CDIN1: variants seen among roughly 807,000 people sequenced by gnomAD.
CDIN1 encodes CDAN1 interacting nuclease 1.
CDIN1 carries 33 observed loss-of-function variants against 45.3 expected under a neutral mutation model. The ratio of observed to expected loss-of-function variants is 0.73; its 90% CI spans 0.55 to 0.97. CDIN1 has a LOEUF of 0.97. CDIN1 is among the 50% of genes least tolerant of loss of function. CDIN1 has a pLI of 0.00. For synonymous variants in CDIN1, 118 were observed against 124.4 expected, an observed-to-expected ratio of 0.95 and a Z score of 0.34; for missense variants, 303 against 339.4, an observed-to-expected ratio of 0.89 and a Z score of 0.84.
chr15:36,743,041 T>A (rs2044294101), intron 10 of CDIN1, among the ~76,000 whole-genome samples: 1 of 152,140 alleles, frequency 6.6e-6, no homozygotes, highest in Admixed American at 6.5e-5. Context: ...AGTGGAGAAG[T>A]TTGAAAATAG....
At chr15:36,636,987 G>C (rs1028595037) in intron 1 of CDIN1, among the ~76,000 whole-genome samples, 7 of 152,196 alleles carry the variant, frequency 4.6e-5, no homozygotes, top group Non-Finnish European at 1.0e-4. Flanking sequence ...TAAGACAATA[G>C]CATTTAGTGA....
Position 36,718,129 on chromosome 15 carries a change from C to CT in CDIN1, c.716+8174dup, listed in dbSNP as rs532550361. Among the ~76,000 whole-genome samples the CT allele has an allele frequency of 2.5e-4, 38 of 152,014 alleles. 1 individual carries two copies. The South Asian group carries it at 7.5e-3, about 30-fold the overall frequency. On this transcript the variant is annotated intron_variant, in intron 10 of 10. Transcript: ENST00000566621. ...TCTAGAACCCTTTTTTGAGAAGACT[C>CT]TTTTTTCTCCACCTAAATTACCTTT...
intron 10 of CDIN1, among the ~76,000 whole-genome samples, chr15:36,788,967 A>G (rs2054577848): frequency 6.6e-6 from 1 of 152,220 alleles, no homozygotes; most frequent in Non-Finnish European, 1.5e-5. Flanking sequence ...CATTTTCTAG[A>G]AAGCATAAAG....
chr15:36,757,721 G>C (rs1051523618), intron 10 of CDIN1, among the ~76,000 whole-genome samples: 1 of 151,974 alleles, frequency 6.6e-6, no homozygotes, highest in Non-Finnish European at 1.5e-5. Flanking sequence ...ATCTTGGCTC[G>C]GTGACCCAGG....
intron 3 of CDIN1, among the ~76,000 whole-genome samples, chr15:36,652,666 G>T (rs1042217192): frequency 2.6e-5 from 4 of 151,996 alleles, no homozygotes; most frequent in African/African-American, 9.7e-5. Flanking sequence ...TACATTCAAG[G>T]GTGGCCCCAA....
chr15:36,614,032 G>T (rs2038772013), intron 1 of CDIN1: 1 of 1,227,674 alleles, frequency 8.1e-7, no homozygotes, highest in Admixed American at 1.7e-5. Flanking sequence ...ATATGAGGAA[G>T]AGATCAAGAT....
chr15:36,709,938 C>A lies in CDIN1; in HGVS notation c.693C>A (p.Asp231Glu). The change falls in exon 10 of 11, where the codon GAC becomes GAA. Residue 231 changes from aspartate to glutamate, a missense_variant. By Grantham distance (45) the Asp-to-Glu change is conservative. Transcript: ENST00000566621. ...DECSHHAYLH[D>E]QFWSYWNRFG... is the part of the protein sequence containing the mutation. The stretch of plus-strand genomic sequence containing the variant: ...GTAGCCACCACGCCTACCTGCATGA[C>A]CAGTTCTGGAGCTACTGGAATAGGT... 2.5e-6 allele frequency: 4 copies of A among 1,612,712 alleles called. No individual in the cohort carries two copies. Among genetic ancestry groups the A allele is most frequent in the Non-Finnish European group, 3.4e-6 (4 of 1,178,982 alleles).
chr15:36,724,583 A>T (rs534977541), intron 10 of CDIN1, among the ~76,000 whole-genome samples: 71 of 152,286 alleles, frequency 4.7e-4, no homozygotes, highest in African/African-American at 1.5e-3. Context: ...GTGATGGGTC[A>T]GAGATAGTTT....
At chr15:36,665,610 T>G (rs1173186972) in intron 5 of CDIN1, among the ~76,000 whole-genome samples, 1 of 152,078 alleles carries the variant, frequency 6.6e-6, no homozygotes, top group Non-Finnish European at 1.5e-5. Flanking sequence ...GATTGCAGGG[T>G]TTATCCACAA....
chr15:36,807,512 A>G (rs998595587), intron 10 of CDIN1, among the ~76,000 whole-genome samples: 2 of 152,148 alleles, frequency 1.3e-5, no homozygotes, highest in African/African-American at 4.8e-5. Flanking sequence ...AACCCAGCCT[A>G]AAGGTCTCAA....
chr15:36,794,626 G>C (rs932134365), intron 10 of CDIN1, among the ~76,000 whole-genome samples: 3 of 149,882 alleles, frequency 2.0e-5, no homozygotes, highest in Non-Finnish European at 3.0e-5. Flanking sequence ...CATGTGACAG[G>C]ATTTTCCTCT....
intron 1 of CDIN1, among the ~76,000 whole-genome samples, chr15:36,589,703 A>G (rs1365467625): frequency 1.3e-5 from 2 of 152,106 alleles, no homozygotes; most frequent in East Asian, 3.9e-4. Flanking sequence ...ACGGGGTTTC[A>G]CCGTGTTAGC....
chr15:36,655,311 G>C (rs1279031999), intron 4 of CDIN1, among the ~76,000 whole-genome samples: 2 of 136,694 alleles, frequency 1.5e-5, no homozygotes, highest in Admixed American at 1.6e-4. Flanking sequence ...AGAGCAGAGT[G>C]CTTTTTTTTT....
At chr15:36,787,123 T>C (rs2141072342) in intron 10 of CDIN1, among the ~76,000 whole-genome samples, 1 of 152,320 alleles carries the variant, frequency 6.6e-6, no homozygotes, top group African/African-American at 2.4e-5. Flanking sequence ...TTATTTTTGT[T>C]TTTTATTTCC....
chr15:36,692,955 G>C (rs1353025589), intron 7 of CDIN1, among the ~76,000 whole-genome samples: 2 of 152,142 alleles, frequency 1.3e-5, no homozygotes, highest in African/African-American at 4.8e-5. Context: ...TAATTTTTAT[G>C]AGAATAATTT....
chr15:36,750,593 C>T (rs980009315), intron 10 of CDIN1, among the ~76,000 whole-genome samples: 2 of 152,118 alleles, frequency 1.3e-5, no homozygotes, highest in East Asian at 1.9e-4. Context: ...CAATACTTAA[C>T]GTACAGCAGG....
intron 1 of CDIN1, among the ~76,000 whole-genome samples, chr15:36,628,596 T>C (rs1355842585): frequency 1.3e-5 from 2 of 152,168 alleles, no homozygotes; most frequent in Non-Finnish European, 2.9e-5. Context: ...TTTGAGATGA[T>C]GCTTATTTAG....
At chr15:36,696,583 AT>A (rs1474361089) in intron 7 of CDIN1, 1 of 152,206 alleles carries the variant, frequency 6.6e-6, no homozygotes. Flanking sequence ...TAATTTAAAA[AT>A]TTTTTTAGAA....
intron 10 of CDIN1, among the ~76,000 whole-genome samples, chr15:36,797,707 T>C (rs1418144786): frequency 3.9e-5 from 6 of 152,076 alleles, no homozygotes; most frequent in Admixed American, 6.5e-5. Context: ...TGGCCAGGCA[T>C]GGTGGCTCAT....
Sources: allele counts gnomAD v4.1 joint callset (sites outside exome capture counted in the v4.1 genomes callset), GRCh38; gene constraint gnomAD v4.1.1; transcripts MANE v1.5; gene names NCBI Gene and HGNC (gene_info 2026-07-23, HGNC 2026-07-21).